CUX2: variants seen among roughly 807,000 people sequenced by gnomAD.
CUX2 encodes the protein cut like homeobox 2.
A neutral mutation model predicts 144.8 loss-of-function variants in CUX2; 40 were observed. That is an observed-to-expected ratio of 0.28 (90% CI 0.21 to 0.36). The LOEUF is 0.36. Ranked by LOEUF, CUX2 falls within the 10% of genes least tolerant of loss-of-function variation. The probability of loss-of-function intolerance (pLI) is 1.00; values close to 1 mark genes in which losing one functional copy is unlikely to be tolerated. For synonymous variants in CUX2, 827 were observed against 875.6 expected, an observed-to-expected ratio of 0.94 and a Z score of 0.98; for missense variants, 1,615 against 1,994.0, an observed-to-expected ratio of 0.81 and a Z score of 3.62.
chr12:111,330,186 G>A (rs1275228531), intron 18 of CUX2, among the ~76,000 whole-genome samples: 1 of 152,104 alleles, frequency 6.6e-6, no homozygotes, highest in Non-Finnish European at 1.5e-5. Context: ...GGTCACAAAG[G>A]GCCATGATGC....
chr12:111,234,449 C>T (rs1409655358), intron 3 of CUX2, among the ~76,000 whole-genome samples: 1 of 152,136 alleles, frequency 6.6e-6, no homozygotes, highest in Non-Finnish European at 1.5e-5. Flanking sequence ...ATTGGGATCC[C>T]ATGCCCAAGG....
Position 111,077,553 on chromosome 12 carries a change from C to T in CUX2, c.63+43313C>T, listed in dbSNP as rs1430331195. Among the ~76,000 whole-genome samples, 2 of 152,180 alleles carry T rather than the reference C, an allele frequency of 1.3e-5. No individual in the cohort carries two copies. Among genetic ancestry groups the T allele is most frequent in the African/African-American group, 2.4e-5 (1 of 41,440 alleles). ...ATGGGTTAATAACAGGTTTGGTTTT[C>T]GATGTCAGCAGCTCTCTTGATAACG... On this transcript the variant is annotated intron_variant, in intron 1 of 21. Coordinates refer to ENST00000261726, the MANE Select transcript of CUX2 (RefSeq NM_015267.4). This position sits in a 1 kb window ranked among gnomAD's most constrained non-coding sequence, Gnocchi z 4.1.
intron 19 of CUX2, among the ~76,000 whole-genome samples, chr12:111,335,824 C>G (rs375989242): frequency 1.3e-5 from 2 of 151,754 alleles, no homozygotes; most frequent in Admixed American, 1.3e-4. Context: ...GAGGCCTGCA[C>G]GAGCCCAGGA....
intron 1 of CUX2, among the ~76,000 whole-genome samples, chr12:111,145,546 A>G (rs1324684148): frequency 1.3e-5 from 2 of 151,982 alleles, no homozygotes; most frequent in Non-Finnish European, 2.9e-5. Context: ...TTTTTTTACT[A>G]TAGAGATGGC....
intron 1 of CUX2, among the ~76,000 whole-genome samples, chr12:111,097,093 A>G (rs1446273962): frequency 6.6e-6 from 1 of 152,260 alleles, no homozygotes; most frequent in Non-Finnish European, 1.5e-5. Flanking sequence ...TTGCCAACAC[A>G]TCGGACAGAG....
chr12:111,325,542 C>T (rs1887736058), intron 18 of CUX2, among the ~76,000 whole-genome samples: 1 of 152,058 alleles, frequency 6.6e-6, no homozygotes, highest in South Asian at 2.1e-4. Context: ...CATCAGGCTT[C>T]CTGCCCCCTA....
chr12:111,069,404 G>A (rs756878754), intron 1 of CUX2, among the ~76,000 whole-genome samples: 1 of 151,832 alleles, frequency 6.6e-6, no homozygotes, highest in Non-Finnish European at 1.5e-5. Context: ...TCCATACTTC[G>A]TCTGTCCAGT....
chr12:111,124,722 G>C (rs1167666976), intron 1 of CUX2, among the ~76,000 whole-genome samples: 8 of 152,102 alleles, frequency 5.3e-5, no homozygotes, highest in Non-Finnish European at 1.2e-4. Context: ...TGAGGTTTCA[G>C]GTACAAATCC....
intron 1 of CUX2, chr12:111,100,222 TCTGTGTGTGTCCTTGTGC>T (rs1226120606): frequency 1.1e-4 from 38 of 361,758 alleles, no homozygotes; most frequent in Middle Eastern, 9.4e-4. Context: ...TGTGCTTGTG[TCTGTGTGTGTCCTTGTGC>T]CTGTGTGTGT....
intron 3 of CUX2, among the ~76,000 whole-genome samples, chr12:111,223,316 G>T (rs561493443): frequency 6.6e-6 from 1 of 152,196 alleles, no homozygotes; most frequent in African/African-American, 2.4e-5. Flanking sequence ...AAGGGAGGCC[G>T]TCGGTTCCAT....
rs1885583540 is a variant in CUX2, at chr12:111,289,938, G to A, written c.302-1480G>A. 1.3e-5 allele frequency among the ~76,000 whole-genome samples: 2 copies of A among 152,194 alleles called. No individual in the cohort carries two copies. Among genetic ancestry groups the A allele is most frequent in the Non-Finnish European group, 2.9e-5 (2 of 68,042 alleles). On this transcript the variant is annotated intron_variant, in intron 4 of 21. Coordinates refer to ENST00000261726, the MANE Select transcript of CUX2 (RefSeq NM_015267.4). This position sits in a 1 kb window ranked among gnomAD's most constrained non-coding sequence, Gnocchi z 4.1. ...CATAGCCTACAGAAGTGCTGGCCGA[G>A]GCCATGGGGGAGTCATCACTCCAAA... is the stretch of plus-strand genomic sequence containing the variant.
intron 18 of CUX2, among the ~76,000 whole-genome samples, chr12:111,325,532 C>G (rs924137582): frequency 1.3e-5 from 2 of 152,084 alleles, no homozygotes; most frequent in Non-Finnish European, 2.9e-5. Context: ...GGCTGTGGGC[C>G]ATCAGGCTTC....
chr12:111,346,791 T>G (rs1043846270), intron 21 of CUX2, among the ~76,000 whole-genome samples: 7 of 152,230 alleles, frequency 4.6e-5, no homozygotes, highest in African/African-American at 1.7e-4. Context: ...GGTGGGTGGA[T>G]CACCTGAGGT....
intron 1 of CUX2, among the ~76,000 whole-genome samples, chr12:111,210,609 A>G (rs1401186098): frequency 6.6e-6 from 1 of 152,136 alleles, no homozygotes; most frequent in African/African-American, 2.4e-5. Flanking sequence ...GCCTGGCAAC[A>G]TGGTGAAACC....
In CUX2 at chr12:111,293,312, C is replaced by T. The variant is rs1005632885; in HGVS notation, c.437-134C>T. 1.0e-5 allele frequency: 14 copies of T among 1,360,472 alleles called. No individual in the cohort carries two copies. Among genetic ancestry groups the T allele is most frequent in the African/African-American group, 7.4e-5 (5 of 67,692 alleles). The allele number at this position is 1,360,472 out of a possible 1,614,324, so 84.3% of individuals were successfully genotyped here. A position where few individuals can be genotyped will look rare whatever the true frequency, so the allele number is the denominator to read the frequency against. ...AGGACATGCGGCCCGCAGGGCCCCA[C>T]AGCTGCGCTCTCTCCAAGGCCCAAG... On this transcript the variant is annotated intron_variant, in intron 5 of 21. Transcript: ENST00000261726. This position sits in a 1 kb window ranked among gnomAD's most constrained non-coding sequence, Gnocchi z 4.5.
chr12:111,170,918 C>G (rs1176306839), intron 1 of CUX2, among the ~76,000 whole-genome samples: 1 of 151,904 alleles, frequency 6.6e-6, no homozygotes, highest in African/African-American at 2.4e-5. Context: ...TCCTGGGAAG[C>G]GGGAGAGATT....
intron 21 of CUX2, among the ~76,000 whole-genome samples, chr12:111,346,917 C>A (rs1455242091): frequency 6.6e-6 from 1 of 152,100 alleles, no homozygotes; most frequent in Non-Finnish European, 1.5e-5. Flanking sequence ...GAGGCTGAGG[C>A]AGGAGAATTG....
In CUX2 at chr12:111,304,890, G is replaced by A. The variant is rs1886497014; in HGVS notation, c.858+576G>A. ...GCAGTCATCACCAGGACTGCAGTGG[G>A]GCCACATACCAAGATAAAATTTAAC... On this transcript the variant is annotated intron_variant, in intron 10 of 21. Transcript: ENST00000261726. The surrounding 1 kb of genome is among the most constrained non-coding windows in gnomAD (Gnocchi z 4.7). Among the ~76,000 whole-genome samples, 1 of 152,114 alleles carries A rather than the reference G, an allele frequency of 6.6e-6. No individual in the cohort carries two copies. Among genetic ancestry groups the A allele is most frequent in the African/African-American group, 2.4e-5 (1 of 41,432 alleles).
chr12:111,191,613 C>A (rs559311674), intron 1 of CUX2, among the ~76,000 whole-genome samples: 3 of 152,284 alleles, frequency 2.0e-5, no homozygotes, highest in African/African-American at 7.2e-5. Flanking sequence ...GGCGTGAGCC[C>A]CCATACCCAG....
Sources: gnomAD v4.1 joint callset for allele counts (sites outside exome capture counted in the v4.1 genomes callset) on GRCh38, gnomAD v4.1.1 for gene constraint, Gnocchi (gnomAD v3.1) non-coding constraint, MANE v1.5 for transcripts, NCBI Gene and HGNC (gene_info 2026-07-23, HGNC 2026-07-21) for gene names.